The following CD300LF variants were observed in gnomAD, a reference collection of about 807,000 sequenced individuals.
The protein encoded by CD300LF is CMRF35-like molecule 1.
Under a neutral mutation model 32.2 loss-of-function variants are expected in CD300LF, and 27 were observed. The ratio of observed to expected loss-of-function variants is 0.84; its 90% CI spans 0.62 to 1.15. The LOEUF is 1.15. Ranked by LOEUF, CD300LF falls within the 50% of genes most tolerant of loss-of-function variation. The pLI, the probability that CD300LF is intolerant of heterozygous loss-of-function variation, is 0.00. For synonymous variants in CD300LF, 139 were observed against 143.2 expected, an observed-to-expected ratio of 0.97 and a Z score of 0.21; for missense variants, 348 against 356.8, an observed-to-expected ratio of 0.98 and a Z score of 0.20.
Position 74,703,046 on chromosome 17 carries a change from G to A in CD300LF, c.435C>T (p.His145=). Reference sequence around the variant, plus strand: ...CAGAGCTGGCTTACCTGTTGTCCAAGTGGTGGCCGGTCAGAGTTGGGGAGC... The same window carrying A: ...CAGAGCTGGCTTACCTGTTGTCCAAATGGTGGCCGGTCAGAGTTGGGGAGC... The part of the protein sequence containing the change: ...TSSSPTLTGH[H]LDNRHKLLKL... The change falls in exon 3 of 7, where the codon CAC becomes CAT. Residue 145 remains histidine (H), a synonymous_variant. Transcript: ENST00000326165. 6.2e-7 allele frequency: 1 copy of A among 1,613,788 alleles called. No individual in the cohort carries two copies. Among genetic ancestry groups the A allele is most frequent in the Non-Finnish European group, 8.5e-7 (1 of 1,179,664 alleles).
chr17:74,705,280 T>C (rs1165896868), intron 1 of CD300LF: 1 of 700,204 alleles, frequency 1.4e-6, no homozygotes, highest in South Asian at 1.5e-5. Flanking sequence ...GAGGCTGTCC[T>C]GGTGGTCCTA....
In CD300LF at chr17:74,700,141, CAATAAATA is replaced by C. The variant is rs77860062; in HGVS notation, c.447-1668_447-1661del. Among the ~76,000 whole-genome samples, 111 of 147,816 alleles carry C rather than the reference CAATAAATA, an allele frequency of 7.5e-4. 1 individual carries two copies. The highest frequency in any genetic ancestry group is 4.8e-3 in the East Asian group (24 of 4,988). On this transcript the variant is annotated intron_variant, in intron 3 of 6. Transcript: ENST00000326165. ...TGGTCGACAGAGCAAGACCCTGTCTCAATAAATAAATAAATAAATAAATAAATAAACAA... is the reference window on the plus strand; with the variant it reads ...TGGTCGACAGAGCAAGACCCTGTCTCAATAAATAAATAAATAAATAAACAA...
chr17:74,711,090 T>C lies in CD300LF; in HGVS notation c.43+1734A>G, dbSNP rs989342166. Among the ~76,000 whole-genome samples, 21 of 152,144 alleles carry C rather than the reference T, an allele frequency of 1.4e-4. 1 individual carries two copies. The East Asian group carries it at 4.1e-3, about 29-fold the overall frequency. ...CACAGAAAACAAACTTCCGGATGGGTATTTTTTTTCTTGGGTGTTTTAAAA... is the reference window on the plus strand; with the variant it reads ...CACAGAAAACAAACTTCCGGATGGGCATTTTTTTTCTTGGGTGTTTTAAAA... On this transcript the variant is annotated intron_variant, in intron 1 of 6. Transcript: ENST00000326165.
At chr17:74,701,450 C>T (rs899153231) in intron 3 of CD300LF, among the ~76,000 whole-genome samples, 12 of 152,186 alleles carry the variant, frequency 7.9e-5, no homozygotes, top group East Asian at 5.8e-4. Context: ...CATAAGGCTT[C>T]GATTCATAAA....
At chr17:74,705,677 C>T (rs886525637) in intron 1 of CD300LF, among the ~76,000 whole-genome samples, 13 of 152,080 alleles carry the variant, frequency 8.5e-5, no homozygotes, top group South Asian at 8.3e-4. Context: ...TCACTGAAGC[C>T]TTCACCTCCC....
chr17:74,707,129 A>G (rs772026498), intron 1 of CD300LF, among the ~76,000 whole-genome samples: 5 of 152,218 alleles, frequency 3.3e-5, no homozygotes, highest in Admixed American at 6.5e-5. Flanking sequence ...GCAAAACTAG[A>G]CAAATGGGAC....
At chr17:74,698,719 G>A in intron 3 of CD300LF, 1 of 998,960 alleles carries the variant, frequency 1.0e-6, no homozygotes, top group Non-Finnish European at 1.4e-6. Context: ...ATGGAGGGTG[G>A]GAGGAAGCAA....
At chr17:74,703,280 T>G in intron 2 of CD300LF, 182 bp from the exon 3 acceptor site, 1 of 649,726 alleles carries the variant, frequency 1.5e-6, no homozygotes, top group East Asian at 2.9e-5. Context: ...CCTGGACCAC[T>G]CATGTCTCCC....
At chr17:74,703,289 C>T (rs146451116) in intron 2 of CD300LF, 191 bp from the exon 3 acceptor site, 61 of 632,334 alleles carry the variant, frequency 9.6e-5, no homozygotes, top group Admixed American at 5.6e-5. Context: ...CTCATGTCTC[C>T]CTGGTCTCTA....
intron 1 of CD300LF, among the ~76,000 whole-genome samples, chr17:74,709,088 G>C (rs929112899): frequency 6.6e-6 from 1 of 151,678 alleles, no homozygotes; most frequent in African/African-American, 2.4e-5. Context: ...GCTGGGCGTG[G>C]TGGCGGGCGC....
chr17:74,696,336 C>G (rs2032474928), intron 4 of CD300LF, 119 bp from the exon 5 acceptor site: 7 of 1,057,368 alleles, frequency 6.6e-6, no homozygotes, highest in Non-Finnish European at 8.2e-6. Flanking sequence ...GGCTCAGAGA[C>G]AGGGACCTGG....
intron 3 of CD300LF, among the ~76,000 whole-genome samples, chr17:74,700,187 T>A (rs1467787065): frequency 6.7e-6 from 1 of 149,308 alleles, no homozygotes; most frequent in Admixed American, 6.7e-5. Flanking sequence ...AAACAAACAA[T>A]CAAAATAAAA....
chr17:74,697,378 G>C (rs550401521), intron 4 of CD300LF, among the ~76,000 whole-genome samples: 1 of 152,260 alleles, frequency 6.6e-6, no homozygotes, highest in Admixed American at 6.5e-5. Context: ...TTTTCCCCTG[G>C]TTTCAAAAGT....
intron 6 of CD300LF, 129 bp downstream of exon 6, chr17:74,695,596 A>G (rs2032371182): frequency 7.4e-7 from 1 of 1,350,602 alleles, no homozygotes; most frequent in Non-Finnish European, 1.0e-6. Context: ...TGCAGTGACT[A>G]TGGCTTTGCC....
chr17:74,708,926 A>G (rs1292108879), intron 1 of CD300LF, among the ~76,000 whole-genome samples: 1 of 150,436 alleles, frequency 6.6e-6, no homozygotes, highest in Non-Finnish European at 1.5e-5. Flanking sequence ...AAAAAAAAAA[A>G]GGAAAATCAA....
intron 6 of CD300LF, 96 bp from the exon 7 acceptor site, chr17:74,695,347 T>G (rs2032337248): frequency 4.9e-6 from 7 of 1,442,478 alleles, no homozygotes; most frequent in South Asian, 1.3e-5. Flanking sequence ...GGATGGACCA[T>G]TCAGGGCTTC....
intron 1 of CD300LF, among the ~76,000 whole-genome samples, chr17:74,711,846 C>T (rs2033984968): frequency 6.6e-6 from 1 of 151,686 alleles, no homozygotes; most frequent in South Asian, 2.1e-4. Flanking sequence ...GTACTTATCA[C>T]TTCTCACTTC....
Position 74,698,758 on chromosome 17 carries a change from G to A in CD300LF, c.447-277C>T, listed in dbSNP as rs966013541. On this transcript the variant is annotated intron_variant, in intron 3 of 6. Coordinates refer to ENST00000326165, the MANE Select transcript of CD300LF (RefSeq NM_139018.5). Reference sequence around the variant, plus strand: ...ATCAAAAAACTACAAACTACCTATTGGGTACTATACCTATTACCTGGGTGA... The same window carrying A: ...ATCAAAAAACTACAAACTACCTATTAGGTACTATACCTATTACCTGGGTGA... The A allele has an allele frequency of 2.0e-5, 13 of 641,854 alleles. No individual in the cohort carries two copies. In the South Asian group the frequency reaches 2.7e-4, roughly 13 times the overall value. The allele number at this position is 641,854 out of a possible 1,614,324, so 39.8% of individuals were successfully genotyped here. A position where few individuals can be genotyped will look rare whatever the true frequency, so the allele number is the denominator to read the frequency against.
intron 1 of CD300LF, among the ~76,000 whole-genome samples, chr17:74,707,434 G>A (rs1035033996): frequency 1.3e-5 from 2 of 152,148 alleles, no homozygotes; most frequent in African/African-American, 4.8e-5. Context: ...ACCAAAAGAG[G>A]GTCAGGCACA....
Sources: allele counts gnomAD v4.1 joint callset (sites outside exome capture counted in the v4.1 genomes callset), GRCh38; gene constraint gnomAD v4.1.1; transcripts MANE v1.5; gene names NCBI Gene and HGNC (gene_info 2026-07-23, HGNC 2026-07-21).